Variants in PLAA observed in about 807,000 individuals in gnomAD.
PLAA encodes the protein phospholipase A2 activating protein, also known as phospholipase A-2-activating protein.
PLAA carries 48 observed loss-of-function variants against 84.1 expected under a neutral mutation model. The ratio of observed to expected loss-of-function variants is 0.57; its 90% CI spans 0.45 to 0.73. The LOEUF (loss-of-function observed/expected upper bound fraction) is 0.73. Among genes scored for constraint, PLAA ranks in the 30% least tolerant of loss-of-function variants. The probability of loss-of-function intolerance (pLI) is 0.00; values close to 1 mark genes in which losing one functional copy is unlikely to be tolerated. For missense variants in PLAA, 903 were observed against 954.7 expected, an observed-to-expected ratio of 0.95 and a Z score of 0.71; for synonymous variants, 392 against 336.6, an observed-to-expected ratio of 1.16 and a Z score of -1.80.
intron 1 of PLAA, among the ~76,000 whole-genome samples, chr9:26,946,402 C>G: frequency 6.6e-6 from 1 of 151,684 alleles, no homozygotes. Flanking sequence ...CCAGCACAGA[C>G]CACAGACTAA....
At chr9:26,939,186 G>C (rs1164661977) in intron 1 of PLAA, among the ~76,000 whole-genome samples, 2 of 151,816 alleles carry the variant, frequency 1.3e-5, no homozygotes, top group Non-Finnish European at 1.5e-5. Context: ...CAGGAGATCG[G>C]GACTATCCTG....
At chr9:26,924,634 A>G (rs1297395905) in intron 6 of PLAA, among the ~76,000 whole-genome samples, 3 of 152,164 alleles carry the variant, frequency 2.0e-5, no homozygotes, top group Non-Finnish European at 2.9e-5. Flanking sequence ...TTGACTCCTC[A>G]AACACTTTTG....
At chr9:26,913,750 T>C in intron 11 of PLAA, 129 bp downstream of exon 11, 1 of 603,980 alleles carries the variant, frequency 1.7e-6, no homozygotes, top group South Asian at 2.3e-5. Context: ...GCCAGACAAG[T>C]TTGGTCTCGA....
intron 8 of PLAA, 50 bp from the exon 9 acceptor site, chr9:26,919,579 ATATT>A: frequency 1.0e-6 from 1 of 974,182 alleles, no homozygotes; most frequent in South Asian, 1.4e-5. Flanking sequence ...CTGTTCACAT[ATATT>A]AATGACATAT....
chr9:26,930,581 ATT>A (rs35790139), intron 2 of PLAA, among the ~76,000 whole-genome samples: 67 of 139,116 alleles, frequency 4.8e-4, no homozygotes, highest in African/African-American at 6.7e-4. Context: ...CATCACTGAG[ATT>A]TTTTTTTTTT....
chr9:26,931,157 GAA>G (rs200805235), intron 2 of PLAA, among the ~76,000 whole-genome samples: 4 of 126,916 alleles, frequency 3.2e-5, no homozygotes, highest in Admixed American at 8.0e-5. Flanking sequence ...TTTGAGAACT[GAA>G]AAAAAAAAAA....
At chr9:26,913,629 G>A (rs1313198882) in intron 11 of PLAA, among the ~76,000 whole-genome samples, 3 of 152,144 alleles carry the variant, frequency 2.0e-5, no homozygotes, top group African/African-American at 7.2e-5. Flanking sequence ...CCATCTCAGA[G>A]CAGAATTAGA....
chr9:26,906,147 G>T, intron 13 of PLAA, 71 bp from the exon 14 acceptor site: 1 of 1,032,272 alleles, frequency 9.7e-7, no homozygotes, highest in Non-Finnish European at 1.3e-6. Context: ...GACTTTGAAG[G>T]ATTTTATTTT....
chr9:26,917,503 A>G (rs1394298323), intron 9 of PLAA, among the ~76,000 whole-genome samples: 1 of 152,160 alleles, frequency 6.6e-6, no homozygotes, highest in Non-Finnish European at 1.5e-5. Flanking sequence ...CCCTGTTCCT[A>G]TACAAATTCA....
intron 2 of PLAA, among the ~76,000 whole-genome samples, chr9:26,930,348 C>T (rs747229663): frequency 3.8e-4 from 58 of 152,256 alleles, no homozygotes; most frequent in Non-Finnish European, 6.5e-4. Flanking sequence ...TTATGATCCG[C>T]CCGCCTTGGC....
chr9:26,925,941 C>T lies in PLAA; in HGVS notation c.753G>A (p.Glu251=), dbSNP rs746593605. Residue 251 remains glutamate, a synonymous_variant, in exon 6 of 14, where the codon GAG becomes GAA. Transcript: ENST00000397292. ...PNCRDFVTTA[E]DRSLRIWKHG... ...GTTTCCAGATTCTCAGAGATCTGTCCTCTGCTGTTGTCACAAAGTCTAAAA... is the reference window on the plus strand; with the variant it reads ...GTTTCCAGATTCTCAGAGATCTGTCTTCTGCTGTTGTCACAAAGTCTAAAA... The T allele has an allele frequency of 1.9e-6, 3 of 1,613,358 alleles. No homozygotes were observed. Among genetic ancestry groups the T allele is most frequent in the Admixed American group, 3.3e-5 (2 of 60,010 alleles).
chr9:26,924,529 T>G (rs891851799), intron 6 of PLAA, among the ~76,000 whole-genome samples: 1 of 152,276 alleles, frequency 6.6e-6, no homozygotes, highest in South Asian at 2.1e-4. Context: ...TTTGCCTTTT[T>G]TTCTATCATT....
chr9:26,934,172 A>C (rs566571343), intron 2 of PLAA, among the ~76,000 whole-genome samples: 54 of 151,994 alleles, frequency 3.6e-4, no homozygotes, highest in Non-Finnish European at 5.6e-4. Flanking sequence ...TATTTCATTT[A>C]TATTTTTAAA....
intron 6 of PLAA, among the ~76,000 whole-genome samples, chr9:26,924,778 T>A (rs906488181): frequency 1.3e-5 from 2 of 152,226 alleles, no homozygotes; most frequent in Non-Finnish European, 2.9e-5. Context: ...ACTTAGTTCT[T>A]AGTCTTCTGT....
chr9:26,942,847 C>A (rs542864096), intron 1 of PLAA, among the ~76,000 whole-genome samples: 1 of 146,866 alleles, frequency 6.8e-6, no homozygotes, highest in Non-Finnish European at 1.5e-5. Flanking sequence ...CCACTGCACT[C>A]CGGCCTGGGC....
intron 1 of PLAA, among the ~76,000 whole-genome samples, chr9:26,944,020 A>C (rs12001845): frequency 0.12 from 19,022 of 152,216 alleles, 1,430 homozygotes; most frequent in African/African-American, 0.21. Context: ...CATGTGCTGG[A>C]AACTTAACCT....
chr9:26,933,615 T>C (rs942807842), intron 2 of PLAA, among the ~76,000 whole-genome samples: 23 of 151,496 alleles, frequency 1.5e-4, no homozygotes, highest in Admixed American at 9.8e-4. Context: ...GGTAAAACCC[T>C]GTCTCTACTA....
At chr9:26,911,545 C>T (rs532715534) in intron 11 of PLAA, among the ~76,000 whole-genome samples, 1 of 152,302 alleles carries the variant, frequency 6.6e-6, no homozygotes, top group African/African-American at 2.4e-5. Context: ...ACCTCAGCCT[C>T]TCAAAGTGCT....
rs41271169 is a variant in PLAA at position 26,904,872 on chromosome 9, G to C, written c.*639C>G. The C allele has an allele frequency of 2.1e-3, 317 of 152,388 alleles. 3 individuals are homozygous for C. Among genetic ancestry groups the C allele is most frequent in the Non-Finnish European group, 2.6e-3 (176 of 67,986 alleles). The allele number at this position is 152,388 out of a possible 1,614,324, so 9.4% of individuals were successfully genotyped here. On this transcript the variant is annotated 3_prime_UTR_variant, in exon 14 of 14. Coordinates refer to ENST00000397292, the MANE Select transcript of PLAA (RefSeq NM_001031689.3). ...CTGGATCTAAGCCTGGAGTTAAATT[G>C]AGACCTCGTCTGTCTGAACTGATAC...
Sources: allele counts gnomAD v4.1 joint callset (sites outside exome capture counted in the v4.1 genomes callset), GRCh38; gene constraint gnomAD v4.1.1; transcripts MANE v1.5; gene names NCBI Gene and HGNC (gene_info 2026-07-23, HGNC 2026-07-21).